The following TAFA5 variants were observed in gnomAD, a reference collection of about 807,000 sequenced individuals.
The protein encoded by TAFA5 is TAFA chemokine like family member 5, also known as chemokine-like protein TAFA-5.
Under a neutral mutation model 15.3 loss-of-function variants are expected in TAFA5, and 6 were observed. The observed-to-expected ratio is 0.39, with a 90% confidence interval of 0.21 to 0.77. TAFA5 has a LOEUF of 0.77. TAFA5 is among the 30% of genes least tolerant of loss of function. The pLI is 0.41. For synonymous variants in TAFA5, 103 were observed against 80.7 expected, an observed-to-expected ratio of 1.28 and a Z score of -1.48; for missense variants, 161 against 193.1, an observed-to-expected ratio of 0.83 and a Z score of 0.98.
intron 1 of TAFA5, among the ~76,000 whole-genome samples, chr22:48,551,877 G>T (rs996834885): frequency 6.6e-6 from 1 of 152,204 alleles, no homozygotes; most frequent in Admixed American, 6.5e-5. Flanking sequence ...GCAAGTGTGG[G>T]TGTGGCCGCT....
intron 1 of TAFA5, among the ~76,000 whole-genome samples, chr22:48,492,896 T>C (rs538337029): frequency 6.6e-6 from 1 of 152,328 alleles, no homozygotes; most frequent in South Asian, 2.1e-4. Flanking sequence ...AGAGTTGATA[T>C]AGGTTGTTTT....
intron 3 of TAFA5, among the ~76,000 whole-genome samples, chr22:48,730,551 T>C (rs1601703612): frequency 6.6e-6 from 1 of 152,244 alleles, no homozygotes; most frequent in African/African-American, 2.4e-5. Flanking sequence ...CAGCCCTGCC[T>C]TGAACCAGTC....
chr22:48,735,202 A>T (rs1284346208), intron 3 of TAFA5, among the ~76,000 whole-genome samples: 1 of 152,164 alleles, frequency 6.6e-6, no homozygotes, highest in Admixed American at 6.5e-5. Context: ...CAGAGCTGGG[A>T]TCCTACCAAG....
chr22:48,658,758 G>T (rs1927334032), intron 2 of TAFA5, among the ~76,000 whole-genome samples: 1 of 152,218 alleles, frequency 6.6e-6, no homozygotes. Context: ...GCCCCTGCTG[G>T]CCCAGACCTA....
chr22:48,546,808 G>A (rs371252931), intron 1 of TAFA5: 23 of 341,332 alleles, frequency 6.7e-5, no homozygotes, highest in Non-Finnish European at 9.3e-5. Context: ...CGAAGTCACC[G>A]GCTCTGGTCA....
intron 1 of TAFA5, among the ~76,000 whole-genome samples, chr22:48,533,653 C>T (rs1202452982): frequency 2.0e-5 from 3 of 152,190 alleles, no homozygotes; most frequent in Non-Finnish European, 4.4e-5. Context: ...GGGAGAAGGA[C>T]ACCCTAGGGC....
intron 2 of TAFA5, among the ~76,000 whole-genome samples, chr22:48,664,424 T>C (rs757020097): frequency 3.9e-5 from 6 of 152,210 alleles, no homozygotes; most frequent in Non-Finnish European, 7.3e-5. Flanking sequence ...ACAATTCTAT[T>C]GGTTTACAAA....
chr22:48,741,710 G>A (rs1047696914), intron 3 of TAFA5, among the ~76,000 whole-genome samples: 6 of 151,952 alleles, frequency 3.9e-5, no homozygotes, highest in East Asian at 1.9e-4. Flanking sequence ...TCTGCACGCC[G>A]AGGAGAGGGG....
intron 1 of TAFA5, among the ~76,000 whole-genome samples, chr22:48,574,353 C>T (rs535595628): frequency 3.4e-4 from 52 of 151,798 alleles, no homozygotes; most frequent in South Asian, 1.5e-3. Flanking sequence ...CTCCCCTGGC[C>T]GGCTGCTGGG....
At chr22:48,707,906 C>T (rs918422690) in intron 3 of TAFA5, 62 bp downstream of exon 3, 11 of 1,563,078 alleles carry the variant, frequency 7.0e-6, no homozygotes, top group East Asian at 2.3e-5. Flanking sequence ...TGCGGGCCTC[C>T]GACGCCACCC....
At chr22:48,623,170 T>A in intron 1 of TAFA5, among the ~76,000 whole-genome samples, 1 of 152,154 alleles carries the variant, frequency 6.6e-6, no homozygotes, top group East Asian at 1.9e-4. Context: ...GGCGGTGGGA[T>A]GGATGAGCAT....
intron 2 of TAFA5, among the ~76,000 whole-genome samples, chr22:48,675,374 A>T (rs1471406348): frequency 6.6e-6 from 1 of 152,206 alleles, no homozygotes; most frequent in Non-Finnish European, 1.5e-5. Context: ...GCAGCGGGAG[A>T]CAGAGCAGGG....
At chr22:48,504,734 G>A (rs573387970) in intron 1 of TAFA5, among the ~76,000 whole-genome samples, 1 of 152,226 alleles carries the variant, frequency 6.6e-6, no homozygotes, top group Non-Finnish European at 1.5e-5. Context: ...AGTCAAGGTT[G>A]TTCTGGGAGC....
At chr22:48,740,642 G>A (rs1011244130) in intron 3 of TAFA5, among the ~76,000 whole-genome samples, 8 of 152,180 alleles carry the variant, frequency 5.3e-5, no homozygotes, top group Non-Finnish European at 1.5e-5. Context: ...TCTCAGCCAG[G>A]GACAGATTCC....
At chr22:48,492,721 C>A (rs970498046) in intron 1 of TAFA5, among the ~76,000 whole-genome samples, 3 of 152,058 alleles carry the variant, frequency 2.0e-5, no homozygotes, top group African/African-American at 7.2e-5. Flanking sequence ...TGGTCTGCGA[C>A]CATCACGGTG....
chr22:48,541,094 C>T (rs552076568), intron 1 of TAFA5, among the ~76,000 whole-genome samples: 16 of 152,172 alleles, frequency 1.1e-4, no homozygotes, highest in African/African-American at 3.1e-4. Context: ...CCAGGAAGTC[C>T]GCCACTGAAC....
chr22:48,589,324 C>T (rs1171179155), intron 1 of TAFA5, among the ~76,000 whole-genome samples: 2 of 152,202 alleles, frequency 1.3e-5, no homozygotes, highest in African/African-American at 4.8e-5. Context: ...GGACTTGAGT[C>T]TCTGCACCTG....
At chr22:48,631,353 C>G (rs1372031944) in intron 1 of TAFA5, among the ~76,000 whole-genome samples, 1 of 152,232 alleles carries the variant, frequency 6.6e-6, no homozygotes, top group Non-Finnish European at 1.5e-5. Flanking sequence ...ACGCTGGACA[C>G]ACGCCTGCCC....
In TAFA5 at chr22:48,652,804, G is replaced by T. The variant is rs371078188; in HGVS notation, c.262+6058G>T. 7.0e-3 allele frequency among the ~76,000 whole-genome samples: 377 copies of T among 53,546 alleles called. 11 individuals are homozygous for T. The East Asian group carries it at 0.37, about 53-fold the overall frequency. The allele number at this position is 53,546 out of a possible 152,430, so 35.1% of individuals were successfully genotyped here. On this transcript the variant is annotated intron_variant, in intron 2 of 3. Coordinates refer to ENST00000402357, the MANE Select transcript of TAFA5 (RefSeq NM_001082967.3). ...GCTGGGTACCTGCCTGCCTCAGGAG[G>T]CACCCTCTCCACTGCTTAGGGGCAT...
Sources: allele counts gnomAD v4.1 joint callset (sites outside exome capture counted in the v4.1 genomes callset), GRCh38; gene constraint gnomAD v4.1.1; transcripts MANE v1.5; gene names NCBI Gene and HGNC (gene_info 2026-07-23, HGNC 2026-07-21).